The following MYH10 variants were observed in gnomAD, a reference collection of about 807,000 sequenced individuals.
MYH10 encodes the protein myosin-10.
MYH10 carries 55 observed loss-of-function variants against 257.8 expected under a neutral mutation model. That is an observed-to-expected ratio of 0.21 (90% CI 0.17 to 0.27). The LOEUF is 0.27. Among genes scored for constraint, MYH10 ranks in the 10% least tolerant of loss-of-function variants. MYH10 has a pLI of 1.00. For synonymous variants in MYH10, 854 were observed against 921.7 expected (o/e 0.93, Z 1.33); for missense variants, 1,631 against 2,500.6 (o/e 0.65, Z 7.42).
intron 1 of MYH10, among the ~76,000 whole-genome samples, chr17:8,627,192 TAC>T (rs530397215): frequency 1.2e-4 from 18 of 152,312 alleles, no homozygotes; most frequent in South Asian, 1.0e-3. Context: ...GTAGTAGGAT[TAC>T]CAATGACTTT....
In MYH10 at chr17:8,546,578, C is replaced by T. The variant is rs1246697754; in HGVS notation, c.1244G>A (p.Arg415Gln). Residue 415 changes from arginine (R) to glutamine (Q), a missense_variant, in exon 12 of 43, where the codon CGA becomes CAA. Physicochemically the swap from Arg to Gln is conservative, Grantham distance 43. Around this residue, in one of 11 missense-constraint regions of MYH10, gnomAD observed 360 missense variants for 581.9 expected, o/e 0.62. Transcript: ENST00000360416. ...GGTCTGGGCTTTTTGCACATAGTCT[C>T]GGCCGACCTTGATCCGGGGAGTCAG... ...AILTPRIKVGRDYVQKAQTKE... is the reference protein window; with the variant it reads ...AILTPRIKVGQDYVQKAQTKE... 2 of 1,613,924 alleles carry T rather than the reference C, an allele frequency of 1.2e-6. No homozygotes were observed. The highest frequency in any genetic ancestry group is 1.7e-6 in the Non-Finnish European group (2 of 1,180,002).
chr17:8,624,436 C>T (rs892397386), intron 1 of MYH10, among the ~76,000 whole-genome samples: 2 of 152,198 alleles, frequency 1.3e-5, no homozygotes, highest in African/African-American at 4.8e-5. Flanking sequence ...ATAGGCATGG[C>T]TTCCATCACT....
At position 8,506,558 on chromosome 17, in the gene MYH10, A is replaced by T; in HGVS notation, c.3215-69T>A. The T allele has an allele frequency of 6.7e-7, 1 of 1,500,538 alleles. No individual in the cohort carries two copies. Among genetic ancestry groups the T allele is most frequent in the Non-Finnish European group, 9.0e-7 (1 of 1,105,772 alleles). 93.0% of individuals were successfully genotyped at this position (1,500,538 alleles called of 1,614,324 possible). On this transcript the variant is annotated intron_variant, in intron 26 of 42. Coordinates refer to ENST00000360416, the MANE Select transcript of MYH10 (RefSeq NM_001256012.3). This position sits in a 1 kb window ranked among gnomAD's most constrained non-coding sequence, Gnocchi z 5.0. ...TCACCACAGGAATAAACTAAAATAC[A>T]GACTGATCCAAGTTGAAAATAAGCC...
chr17:8,573,622 C>T (rs1851456902), intron 6 of MYH10, among the ~76,000 whole-genome samples: 1 of 152,152 alleles, frequency 6.6e-6, no homozygotes, highest in African/African-American at 2.4e-5. Flanking sequence ...CTAAGAGCAA[C>T]CTCTCTTGAG....
At chr17:8,577,207 AT>A in intron 5 of MYH10, 28 bp downstream of exon 5, 1 of 1,527,150 alleles carries the variant, frequency 6.5e-7, no homozygotes, top group Non-Finnish European at 9.0e-7. Flanking sequence ...GAAGAAGAAG[AT>A]TTAAAAAACA....
intron 36 of MYH10, 105 bp downstream of exon 36, chr17:8,487,328 C>T (rs373735006): frequency 1.8e-4 from 252 of 1,400,244 alleles, no homozygotes; most frequent in East Asian, 7.1e-4. Context: ...CCCCCGGCCA[C>T]GCTGACAGCG....
At position 8,480,093 on chromosome 17, in the gene MYH10, T is replaced by C; in HGVS notation, c.5597+17A>G. On this transcript the variant is annotated intron_variant, in intron 40 of 42. Coordinates refer to ENST00000360416, the MANE Select transcript of MYH10 (RefSeq NM_001256012.3). ...CTAGTTGGTAAGTTTTGGTTTACGG[T>C]AGCAAAAACCTCTTACTTGGCTTCC... 6.2e-7 allele frequency: 1 copy of C among 1,613,130 alleles called. No individual in the cohort carries two copies. The highest frequency in any genetic ancestry group is 2.2e-5 in the East Asian group (1 of 44,876).
chr17:8,474,459 G>A lies in MYH10; in HGVS notation c.*1345C>T, dbSNP rs34231620. 1.3e-5 allele frequency: 2 copies of A among 152,556 alleles called. No homozygotes were observed. Among genetic ancestry groups the A allele is most frequent in the Admixed American group, 6.5e-5 (1 of 15,276 alleles). 9.5% of individuals were successfully genotyped at this position (152,556 alleles called of 1,614,324 possible). Reference sequence around the variant, plus strand: ...CCCACAGGACAAATTCTTCCTAATAGATGTTAAAGCTTTTAACCCAAAAGG... The same window carrying A: ...CCCACAGGACAAATTCTTCCTAATAAATGTTAAAGCTTTTAACCCAAAAGG... On this transcript the variant is annotated 3_prime_UTR_variant, in exon 43 of 43. Transcript: ENST00000360416.
intron 17 of MYH10, 141 bp from the exon 18 acceptor site, chr17:8,521,426 A>T: frequency 1.2e-6 from 1 of 825,498 alleles, no homozygotes; most frequent in Non-Finnish European, 1.9e-6. Flanking sequence ...CAGTCAGCAT[A>T]CTTAGGCACT....
chr17:8,481,868 G>T (rs576860482), intron 37 of MYH10, among the ~76,000 whole-genome samples: 1 of 152,344 alleles, frequency 6.6e-6, no homozygotes, highest in African/African-American at 2.4e-5. Flanking sequence ...CAGCTGTGCC[G>T]CAACAAGGAT....
chr17:8,494,634 C>T (rs990696577), intron 31 of MYH10, among the ~76,000 whole-genome samples: 2 of 152,114 alleles, frequency 1.3e-5, no homozygotes, highest in Non-Finnish European at 2.9e-5. Context: ...AGCTGTAAAA[C>T]TCCAAGAATA....
At chr17:8,480,046 C>G in intron 40 of MYH10, 64 bp downstream of exon 40, 1 of 1,542,212 alleles carries the variant, frequency 6.5e-7, no homozygotes, top group South Asian at 1.2e-5. Flanking sequence ...AAGGGGCATG[C>G]CTGTTTTGTC....
intron 1 of MYH10, among the ~76,000 whole-genome samples, chr17:8,629,578 C>T (rs1256862165): frequency 1.3e-5 from 2 of 152,120 alleles, no homozygotes; most frequent in East Asian, 3.9e-4. Context: ...CCACAAAGCC[C>T]CCACAAATGC....
At chr17:8,512,311 T>C in intron 24 of MYH10, 140 bp downstream of exon 24, 1 of 642,276 alleles carries the variant, frequency 1.6e-6, no homozygotes, top group Non-Finnish European at 2.7e-6. Flanking sequence ...GATGGTCATC[T>C]TTCTAAGAGT....
chr17:8,499,132 C>T (rs897668044), intron 30 of MYH10, 138 bp downstream of exon 30: 24 of 715,640 alleles, frequency 3.4e-5, no homozygotes, highest in South Asian at 5.5e-5. Flanking sequence ...ACCTAAGACT[C>T]GATGTATTTA....
At chr17:8,594,883 T>C (rs1220199244) in intron 3 of MYH10, among the ~76,000 whole-genome samples, 4 of 152,256 alleles carry the variant, frequency 2.6e-5, no homozygotes, top group African/African-American at 9.6e-5. Context: ...AAAGTCTGTC[T>C]GTACATCTTC....
intron 30 of MYH10, 56 bp downstream of exon 30, chr17:8,499,214 G>A (rs1917140453): frequency 6.5e-7 from 1 of 1,549,140 alleles, no homozygotes; most frequent in South Asian, 1.2e-5. Context: ...GGATACAATG[G>A]TAAATTAGGG....
intron 35 of MYH10, among the ~76,000 whole-genome samples, chr17:8,488,441 C>T (rs1328456282): frequency 6.6e-6 from 1 of 152,234 alleles, no homozygotes; most frequent in Non-Finnish European, 1.5e-5. Flanking sequence ...TCTTCCCAAC[C>T]TGTCCTGCTT....
At chr17:8,609,977 A>T (rs1326569725) in intron 2 of MYH10, among the ~76,000 whole-genome samples, 2 of 151,900 alleles carry the variant, frequency 1.3e-5, no homozygotes, top group Non-Finnish European at 2.9e-5. Flanking sequence ...CTAAGCTAAC[A>T]AACGCAGAAG....
Sources: gnomAD v4.1 joint callset for allele counts (sites outside exome capture counted in the v4.1 genomes callset) on GRCh38, gnomAD v4.1.1 for gene constraint, gnomAD v4.1.1 regional missense constraint, Gnocchi (gnomAD v3.1) non-coding constraint, MANE v1.5 for transcripts, NCBI Gene and HGNC (gene_info 2026-07-23, HGNC 2026-07-21) for gene names.